The following GATAD1 variants were observed in gnomAD, a reference collection of about 807,000 sequenced individuals.
GATAD1 encodes GATA zinc finger domain containing 1, also known as GATA zinc finger domain-containing protein 1.
In GATAD1, 12 loss-of-function variants were observed where a neutral mutation model predicts 26.5. The observed-to-expected ratio is 0.45, with a 90% confidence interval of 0.29 to 0.73. The LOEUF (loss-of-function observed/expected upper bound fraction) is 0.73, where lower values mean the gene tolerates loss of function less well. Among genes scored for constraint, GATAD1 ranks in the 30% least tolerant of loss-of-function variants. The pLI is 0.10. For missense variants in GATAD1, 266 were observed against 342.1 expected (o/e 0.78, Z 1.75); for synonymous variants, 129 against 133.1 (o/e 0.97, Z 0.21).
chr7:92,464,792 C>T (rs773468867), downstream of GATAD1, among the ~76,000 whole-genome samples: 2 of 152,176 alleles, frequency 1.3e-5, no homozygotes, highest in Admixed American at 6.5e-5. Context: ...ATCCTGCCAG[C>T]GTCCTCAGGC....
the GATAD1 span, chr7:92,469,387 G>A: frequency 3.0e-6 from 2 of 676,894 alleles, no homozygotes; most frequent in Non-Finnish European, 5.3e-6. Context: ...AGTACCTAGT[G>A]CACCTAGCAC....
the GATAD1 span, among the ~76,000 whole-genome samples, chr7:92,495,546 A>G: frequency 6.6e-6 from 1 of 152,146 alleles, no homozygotes; most frequent in Non-Finnish European, 1.5e-5. Context: ...AATTTTGGTC[A>G]ATTTTGTTTT....
the GATAD1 span, among the ~76,000 whole-genome samples, chr7:92,466,154 G>T: frequency 6.6e-6 from 1 of 152,108 alleles, no homozygotes; most frequent in Non-Finnish European, 1.5e-5. Context: ...GAAGGTGTGA[G>T]TGAAAAAGAC....
the GATAD1 span, chr7:92,489,410 A>C: frequency 6.2e-5 from 100 of 1,613,134 alleles, no homozygotes; most frequent in Middle Eastern, 3.3e-4. Context: ...TGGTTGGTTC[A>C]TGGATTCGTC....
chr7:92,491,308 A>G, the GATAD1 span: 1 of 1,613,690 alleles, frequency 6.2e-7, no homozygotes, highest in African/African-American at 1.3e-5. Context: ...GTTCTGATTC[A>G]TAAGAGCTTC....
the GATAD1 span, chr7:92,468,859 G>A: frequency 1.3e-6 from 1 of 764,430 alleles, no homozygotes; most frequent in Non-Finnish European, 2.4e-6. Context: ...ATCAGATCGT[G>A]GGCTAGCAGG....
intron 2 of GATAD1, 161 bp downstream of exon 2, chr7:92,449,038 C>G (rs950539662): frequency 9.8e-7 from 1 of 1,019,658 alleles, no homozygotes; most frequent in Non-Finnish European, 1.4e-6. Flanking sequence ...AGCTCTGTTG[C>G]AGGAGGCTCA....
At chr7:92,449,438 G>C in intron 2 of GATAD1, 2 of 980,132 alleles carry the variant, frequency 2.0e-6, no homozygotes, top group Non-Finnish European at 2.4e-6. Context: ...GCTGGAAGTA[G>C]TTGAAAGCAT....
intron 2 of GATAD1, 59 bp from the exon 3 acceptor site, chr7:92,450,642 A>G (rs1789386330): frequency 1.8e-6 from 2 of 1,124,370 alleles, no homozygotes; most frequent in African/African-American, 1.5e-5. Flanking sequence ...TAGGGCTGGG[A>G]AAATGCCTGT....
At chr7:92,455,750 A>G (rs1789643860) in intron 4 of GATAD1, among the ~76,000 whole-genome samples, 1 of 152,204 alleles carries the variant, frequency 6.6e-6, no homozygotes, top group South Asian at 2.1e-4. Context: ...AGTTTGATAC[A>G]TTACCAAACA....
At chr7:92,479,883 T>G in the GATAD1 span, among the ~76,000 whole-genome samples, 2 of 151,878 alleles carry the variant, frequency 1.3e-5, no homozygotes, top group African/African-American at 2.4e-5. Context: ...AGACACAAGG[T>G]CCGAATAAGA....
chr7:92,478,826 C>T, the GATAD1 span, among the ~76,000 whole-genome samples: 4 of 152,170 alleles, frequency 2.6e-5, no homozygotes, highest in East Asian at 1.9e-4. Context: ...GCCACCATGG[C>T]GATTCCCACC....
intron 4 of GATAD1, among the ~76,000 whole-genome samples, chr7:92,455,310 T>C (rs1381216377): frequency 2.0e-5 from 3 of 152,198 alleles, no homozygotes; most frequent in African/African-American, 7.2e-5. Context: ...AGGGTTAAAC[T>C]GTACTACAAG....
Position 92,454,761 on chromosome 7 carries a change from C to T in GATAD1, c.619+76C>T, listed in dbSNP as rs76684289. 1.3e-3 allele frequency: 1,312 copies of T among 1,017,966 alleles called. 10 individuals carry two copies. The African/African-American group carries it at 0.02, about 15-fold the overall frequency. 63.1% of individuals were successfully genotyped at this position (1,017,966 alleles called of 1,614,324 possible). ...ATATTATGTAAAAGAGTGTGTTAGT[C>T]AGCTTGGGCTGTCAGGACAAAATAT... On this transcript the variant is annotated intron_variant, in intron 4 of 4. Coordinates refer to ENST00000287957, the MANE Select transcript of GATAD1 (RefSeq NM_021167.5).
At chr7:92,489,316 A>T in the GATAD1 span, 1 of 1,613,702 alleles carries the variant, frequency 6.2e-7, no homozygotes, top group Non-Finnish European at 8.5e-7. Context: ...TCTTCCAGTC[A>T]TCTTCACTAA....
chr7:92,477,454 G>A, the GATAD1 span: 2 of 152,376 alleles, frequency 1.3e-5, no homozygotes, highest in Non-Finnish European at 2.9e-5. Context: ...CCAAGATGGT[G>A]GTGAACCACT....
At chr7:92,448,453 T>C (rs531386529) in intron 1 of GATAD1, among the ~76,000 whole-genome samples, 1 of 152,322 alleles carries the variant, frequency 6.6e-6, no homozygotes, top group East Asian at 1.9e-4. Context: ...ATGAATAGTG[T>C]TTGTCTTGGT....
chr7:92,470,106 A>G, the GATAD1 span: 1 of 778,842 alleles, frequency 1.3e-6, no homozygotes, highest in East Asian at 2.4e-5. Context: ...AACTAGGATT[A>G]ATCATTTTTC....
the GATAD1 span, chr7:92,487,059 TGAA>T: frequency 6.5e-6 from 1 of 154,696 alleles, no homozygotes; most frequent in African/African-American, 2.4e-5. Flanking sequence ...TTCAAAACAG[TGAA>T]GAAGCTGCTA....
Sources: gnomAD v4.1 joint callset for allele counts (sites outside exome capture counted in the v4.1 genomes callset) on GRCh38, gnomAD v4.1.1 for gene constraint, MANE v1.5 for transcripts, NCBI Gene and HGNC (gene_info 2026-07-23, HGNC 2026-07-21) for gene names.